EDEM3: variants seen among roughly 807,000 people sequenced by gnomAD.
EDEM3 encodes ER degradation-enhancing alpha-mannosidase-like protein 3.
A neutral mutation model predicts 110.2 loss-of-function variants in EDEM3; 60 were observed. That is an observed-to-expected ratio of 0.54 (90% CI 0.44 to 0.67). EDEM3 has a LOEUF of 0.67. EDEM3 is among the 30% of genes least tolerant of loss of function. The probability of loss-of-function intolerance (pLI) is 0.00; values close to 1 mark genes in which losing one functional copy is unlikely to be tolerated. For synonymous variants in EDEM3, 352 were observed against 382.9 expected (o/e 0.92, Z 0.94); for missense variants, 996 against 1,121.0 (o/e 0.89, Z 1.59).
intron 13 of EDEM3, among the ~76,000 whole-genome samples, chr1:184,714,057 A>G (rs909341536): frequency 1.3e-5 from 2 of 152,236 alleles, no homozygotes; most frequent in South Asian, 2.1e-4. Context: ...TCTGCAATAC[A>G]CTTATCATAA....
At chr1:184,735,875 G>T (rs1257874127) in intron 4 of EDEM3, among the ~76,000 whole-genome samples, 1 of 152,032 alleles carries the variant, frequency 6.6e-6, no homozygotes, top group Non-Finnish European at 1.5e-5. Flanking sequence ...TTCTCCCTGG[G>T]TTTATCTCCT....
intron 19 of EDEM3, among the ~76,000 whole-genome samples, chr1:184,698,332 C>G (rs1173057652): frequency 6.6e-6 from 1 of 151,744 alleles, no homozygotes; most frequent in African/African-American, 2.4e-5. Context: ...AGAATGTTAC[C>G]TACACCATTG....
In EDEM3 at chr1:184,726,385, T is replaced by C; in HGVS notation, c.617A>G (p.Asn206Ser). 6.2e-7 allele frequency: 1 copy of C among 1,612,968 alleles called. No homozygotes were observed. The highest frequency in any genetic ancestry group is 8.5e-7 in the Non-Finnish European group (1 of 1,179,358). ...TGGTTTTCTGATGCCAAACTTTAAA[T>C]TAATCTGAATACAATTAGAAAATTG... Reference protein sequence around the residue: ...TTSGLPYPRINLKFGIRKPEA... With the variant: ...TTSGLPYPRISLKFGIRKPEA... Residue 206 changes from asparagine (N) to serine (S), a missense_variant, in exon 7 of 20, where the codon AAT becomes AGT. Asn to Ser is a conservative substitution (Grantham distance 46). Transcript: ENST00000318130.
rs1433584115 is a variant in EDEM3 at position 184,719,487 on chromosome 1, G to A, written c.1033C>T (p.Arg345Trp). The stretch of plus-strand genomic sequence containing the variant: ...GCAAGCAAAGCATCCATCCAAGTCC[G>A]AGCATTCAGCATTGGTTTGTGGATA... The part of the protein sequence containing the change: ...VHIHKPMLNA[R>W]TWMDALLAFF... Residue 345 changes from arginine to tryptophan, a missense_variant, in exon 10 of 20, where the codon CGG becomes TGG. By Grantham distance (101) the Arg-to-Trp change is moderately radical. Coordinates refer to ENST00000318130, the MANE Select transcript of EDEM3 (RefSeq NM_025191.4). 6.8e-6 allele frequency: 11 copies of A among 1,613,800 alleles called. No individual in the cohort carries two copies. The highest frequency in any genetic ancestry group is 9.3e-6 in the Non-Finnish European group (11 of 1,179,976).
At position 184,694,157 on chromosome 1, in the gene EDEM3, C is replaced by T. The variant is rs1649207600; in HGVS notation, c.2705G>A (p.Ser902Asn). 6.2e-7 allele frequency: 1 copy of T among 1,613,432 alleles called. No homozygotes were observed. Among genetic ancestry groups the T allele is most frequent in the Non-Finnish European group, 8.5e-7 (1 of 1,179,640 alleles). The stretch of plus-strand genomic sequence containing the variant: ...TATAGGCTGGACCTTTTTACCCCAG[C>T]TAACATTAGGATTGGAATCTTCCTC... ...ETEEDSNPNV[S>N]WGKKVQPIDS... The change falls in exon 20 of 20, where the codon AGC (serine) becomes AAC (asparagine). Residue 902 changes from serine (S) to asparagine (N), a missense_variant. Physicochemically the swap from Ser to Asn is conservative, Grantham distance 46 (BLOSUM62 1). This residue lies in a region of EDEM3 where 345 missense variants were observed against 402.0 expected (regional missense o/e 0.86). Transcript: ENST00000318130.
intron 11 of EDEM3, among the ~76,000 whole-genome samples, chr1:184,718,919 T>C (rs1467395135): frequency 2.0e-5 from 3 of 152,096 alleles, no homozygotes; most frequent in Non-Finnish European, 4.4e-5. Flanking sequence ...TTACATAAAA[T>C]TTTAAAAATG....
intron 1 of EDEM3, 23 bp from the exon 2 acceptor site, chr1:184,749,615 G>T: frequency 9.2e-7 from 1 of 1,086,210 alleles, no homozygotes. Context: ...GAGCAGAAAT[G>T]GAAAAAAAAA....
At chr1:184,751,112 GACCTTACCACCACTT>G (rs55937545) in intron 1 of EDEM3, among the ~76,000 whole-genome samples, 45,312 of 150,402 alleles carry the variant, frequency 0.3, 8,381 homozygotes, top group East Asian at 0.54. Flanking sequence ...TTTAAAAAAA[GACCTTACCACCACTT>G]TGCTAAAGCA....
At chr1:184,723,641 G>T in intron 8 of EDEM3, 110 bp downstream of exon 8, 2 of 894,702 alleles carry the variant, frequency 2.2e-6, no homozygotes, top group East Asian at 2.7e-5. Flanking sequence ...AATCTTGTGA[G>T]AACCTATGCT....
chr1:184,704,493 A>T (rs1649800495), intron 18 of EDEM3, among the ~76,000 whole-genome samples: 1 of 151,510 alleles, frequency 6.6e-6, no homozygotes, highest in South Asian at 2.1e-4. Flanking sequence ...TCTACTAAAA[A>T]TACAAAAATT....
chr1:184,727,356 T>C (rs1343848859), intron 6 of EDEM3, among the ~76,000 whole-genome samples: 2 of 152,088 alleles, frequency 1.3e-5, no homozygotes, highest in Non-Finnish European at 2.9e-5. Context: ...AGAATATTTT[T>C]CAGCAATCCA....
At position 184,708,255 on chromosome 1, in the gene EDEM3, C is replaced by G; in HGVS notation, c.1935G>C (p.Leu645=). Residue 645 remains leucine (L), a synonymous_variant, in exon 17 of 20, where the codon CTG becomes CTC. Transcript: ENST00000318130. The part of the protein sequence containing the change: ...LSSQQQKEQQ[L]PPRAVQIVSH... ...AAACAATTTGTACAGCTCGTGGAGG[C>G]AGCTGCTGTTCTTTTTGTTGCTGAC... 1 of 1,613,456 alleles carries G rather than the reference C, an allele frequency of 6.2e-7. No individual in the cohort carries two copies. Among genetic ancestry groups the G allele is most frequent in the Non-Finnish European group, 8.5e-7 (1 of 1,179,798 alleles).
intron 9 of EDEM3, 120 bp from the exon 10 acceptor site, chr1:184,719,688 C>T: frequency 3.2e-6 from 3 of 943,074 alleles, no homozygotes; most frequent in Non-Finnish European, 4.4e-6. Flanking sequence ...CACTAAATAA[C>T]TACCAATTTA....
Position 184,694,060 on chromosome 1 carries a change from A to C in EDEM3, c.*3T>G. On this transcript the variant is annotated 3_prime_UTR_variant, in exon 20 of 20. Coordinates refer to ENST00000318130, the MANE Select transcript of EDEM3 (RefSeq NM_025191.4). ...AATACCTACCAACAGATTGTTTAGC[A>C]AGTCATAGCTCATCCTTCTCCATCA... 1 of 1,607,208 alleles carries C rather than the reference A, an allele frequency of 6.2e-7. No homozygotes were observed. The highest frequency in any genetic ancestry group is 1.1e-5 in the South Asian group (1 of 90,556).
chr1:184,750,014 C>T (rs1441957406), intron 1 of EDEM3, among the ~76,000 whole-genome samples: 1 of 152,142 alleles, frequency 6.6e-6, no homozygotes, highest in Non-Finnish European at 1.5e-5. Context: ...ATTGCTTCCC[C>T]TATATGTTCT....
At chr1:184,700,877 G>T (rs555057342) in intron 19 of EDEM3, among the ~76,000 whole-genome samples, 12 of 151,932 alleles carry the variant, frequency 7.9e-5, no homozygotes, top group African/African-American at 2.9e-4. Context: ...TAATATAGCT[G>T]TACAGTTCTA....
intron 19 of EDEM3, among the ~76,000 whole-genome samples, 154 bp from the exon 20 acceptor site, chr1:184,694,626 C>CT (rs1184065040): frequency 1.3e-5 from 2 of 152,074 alleles, no homozygotes; most frequent in Non-Finnish European, 2.9e-5. Context: ...GAAATGAAGA[C>CT]TGTCTTTATG....
intron 6 of EDEM3, among the ~76,000 whole-genome samples, chr1:184,731,205 T>C (rs1020007965): frequency 3.9e-5 from 6 of 152,170 alleles, no homozygotes; most frequent in Admixed American, 2.6e-4. Context: ...GAGAGAGTAA[T>C]AGTGTTAATA....
intron 19 of EDEM3, among the ~76,000 whole-genome samples, chr1:184,697,198 C>T (rs1052517958): frequency 6.6e-6 from 1 of 151,662 alleles, no homozygotes; most frequent in African/African-American, 2.4e-5. Flanking sequence ...ACCCACGTTG[C>T]TTAAATAAAA....
Sources: gnomAD v4.1 joint callset for allele counts (sites outside exome capture counted in the v4.1 genomes callset) on GRCh38, gnomAD v4.1.1 for gene constraint, gnomAD v4.1.1 regional missense constraint, MANE v1.5 for transcripts, NCBI Gene and HGNC (gene_info 2026-07-23, HGNC 2026-07-21) for gene names.